Variants in PARD3 observed in about 807,000 individuals in gnomAD.
PARD3 encodes par-3 family cell polarity regulator, also known as partitioning defective 3 homolog.
Under a neutral mutation model 155.4 loss-of-function variants are expected in PARD3, and 75 were observed. The observed-to-expected ratio is 0.48, with a 90% CI of 0.40 to 0.58. The LOEUF is 0.58. Ranked by LOEUF, PARD3 falls within the 20% of genes least tolerant of loss-of-function variation. PARD3 has a pLI of 0.00. For synonymous variants in PARD3, 576 were observed against 610.5 expected (o/e 0.94, Z 0.83); for missense variants, 1,642 against 1,721.7 (o/e 0.95, Z 0.82).
rs1186467903 is a variant in PARD3, at chr10:34,131,476, A to G, written c.3527T>C (p.Phe1176Ser). Residue 1176 changes from phenylalanine to serine, a missense_variant, in exon 23 of 25, where the codon TTT becomes TCT. Phe to Ser is a radical substitution (Grantham distance 155). Around this residue, in one of 3 missense-constraint regions of PARD3, gnomAD observed 1,529 missense variants for 1,587.3 expected, o/e 0.96. Transcript: ENST00000374788. ...DVEDRRRTYSFEQPWPNARPA... is the reference protein window; with the variant it reads ...DVEDRRRTYSSEQPWPNARPA... ...CCAATTACTTACCCAGGGTTGCTCAAAACTATAGGTCCGCCGACGATCTTC... is the reference window on the plus strand; with the variant it reads ...CCAATTACTTACCCAGGGTTGCTCAGAACTATAGGTCCGCCGACGATCTTC... 1.2e-6 allele frequency: 2 copies of G among 1,614,026 alleles called. No individual in the cohort carries two copies. Among genetic ancestry groups the G allele is most frequent in the African/African-American group, 2.7e-5 (2 of 74,942 alleles).
intron 22 of PARD3, among the ~76,000 whole-genome samples, chr10:34,183,738 A>C (rs1032200364): frequency 2.6e-5 from 4 of 152,194 alleles, no homozygotes; most frequent in Non-Finnish European, 5.9e-5. Context: ...TTTCTGCCGC[A>C]CACTGGGTTT....
rs1226096189 is a variant in PARD3, at chr10:34,462,645, G to C, written c.582+7440C>G. Among the ~76,000 whole-genome samples, 4 of 151,334 alleles carry C rather than the reference G, an allele frequency of 2.6e-5. No individual in the cohort carries two copies. In the East Asian group the frequency reaches 7.9e-4, roughly 30 times the overall value. ...GGATCACTTGAGCCCAGGAGTTCAA[G>C]ATCAGCCTGGGCAACATAGTGAGAC... On this transcript the variant is annotated intron_variant, in intron 4 of 24. Coordinates refer to ENST00000374788, the MANE Select transcript of PARD3 (RefSeq NM_001184785.2).
chr10:34,555,216 G>A (rs984008214), intron 2 of PARD3, among the ~76,000 whole-genome samples: 3 of 152,156 alleles, frequency 2.0e-5, no homozygotes, highest in Non-Finnish European at 4.4e-5. Flanking sequence ...GTTTGTGGGG[G>A]AAAGGGATAT....
In PARD3 at chr10:34,270,948, T is replaced by C. The variant is rs542206320; in HGVS notation, c.3177-1049A>G. ...TCCTCTTCAACTTATAATATATTGA[T>C]ATAATTTATGTCCTAAGTCAATCTT... On this transcript the variant is annotated intron_variant, in intron 21 of 24. Transcript: ENST00000374788. Among the ~76,000 whole-genome samples, 14 of 152,346 alleles carry C rather than the reference T, an allele frequency of 9.2e-5. No individual in the cohort carries two copies. In the East Asian group the frequency reaches 1.9e-3, roughly 21 times the overall value.
intron 22 of PARD3, among the ~76,000 whole-genome samples, chr10:34,176,947 T>TTGTGTGTGTGTGTGTGTG (rs55740137): frequency 1.2e-3 from 173 of 149,572 alleles, no homozygotes; most frequent in African/African-American, 4.1e-3. Context: ...GAGAAGCAGG[T>TTGTGTGTGTGTGTGTGTG]TGTGTGTGTG....
chr10:34,409,409 T>C (rs1844825193), intron 5 of PARD3, among the ~76,000 whole-genome samples: 1 of 152,220 alleles, frequency 6.6e-6, no homozygotes, highest in Non-Finnish European at 1.5e-5. Flanking sequence ...ACACTGCAAT[T>C]TGTCTTCACA....
chr10:34,450,898 C>T (rs755456259), intron 4 of PARD3, among the ~76,000 whole-genome samples: 7 of 152,070 alleles, frequency 4.6e-5, no homozygotes, highest in Non-Finnish European at 8.8e-5. Flanking sequence ...AATAAATTTG[C>T]CCTTTCTTCA....
chr10:34,299,089 G>T (rs143823868), intron 20 of PARD3, among the ~76,000 whole-genome samples: 1 of 152,106 alleles, frequency 6.6e-6, no homozygotes, highest in Admixed American at 6.5e-5. Flanking sequence ...TACCTAACTT[G>T]TTCAGTCTTA....
chr10:34,600,962 A>ATTTTTTT (rs1028271994), intron 2 of PARD3, among the ~76,000 whole-genome samples: 8 of 90,066 alleles, frequency 8.9e-5, no homozygotes, highest in Non-Finnish European at 1.0e-4. Flanking sequence ...CATTTTTTTA[A>ATTTTTTT]TTTTTTTTTT....
At chr10:34,762,205 T>C (rs994594241) in intron 1 of PARD3, among the ~76,000 whole-genome samples, 1 of 152,052 alleles carries the variant, frequency 6.6e-6, no homozygotes, top group Non-Finnish European at 1.5e-5. Flanking sequence ...CAACCCACTT[T>C]ACTAAACAGT....
chr10:34,317,017 G>T, intron 20 of PARD3, 90 bp downstream of exon 20: 1 of 1,216,464 alleles, frequency 8.2e-7, no homozygotes, highest in Non-Finnish European at 1.1e-6. Context: ...TTACAGGTGT[G>T]CACTACCGTG....
At chr10:34,683,215 C>T (rs543001128) in intron 2 of PARD3, among the ~76,000 whole-genome samples, 45 of 152,142 alleles carry the variant, frequency 3.0e-4, no homozygotes, top group African/African-American at 1.1e-3. Flanking sequence ...AAGATGGAAA[C>T]GATGGACACT....
intron 2 of PARD3, among the ~76,000 whole-genome samples, chr10:34,680,852 G>C (rs1366355644): frequency 9.3e-6 from 1 of 107,796 alleles, no homozygotes; most frequent in Non-Finnish European, 1.8e-5. Flanking sequence ...GGGGAGGGGG[G>C]AGGGATAGCA....
intron 19 of PARD3, among the ~76,000 whole-genome samples, chr10:34,325,709 TTC>T (rs1834939992): frequency 6.6e-6 from 1 of 152,174 alleles, no homozygotes; most frequent in Non-Finnish European, 1.5e-5. Context: ...GCAATGGGCT[TTC>T]TGTTTGGAAG....
chr10:34,501,027 GTTTT>G (rs1328154095), intron 3 of PARD3, among the ~76,000 whole-genome samples: 1 of 152,004 alleles, frequency 6.6e-6, no homozygotes, highest in Non-Finnish European at 1.5e-5. Context: ...ACAGATTTTT[GTTTT>G]TTATCAAGCA....
At chr10:34,412,714 A>G (rs1845216024) in intron 5 of PARD3, among the ~76,000 whole-genome samples, 1 of 152,178 alleles carries the variant, frequency 6.6e-6, no homozygotes, top group Non-Finnish European at 1.5e-5. Context: ...TGATTTCCTC[A>G]GGTTCTTCCC....
At chr10:34,326,917 A>G (rs1835087212) in intron 19 of PARD3, among the ~76,000 whole-genome samples, 2 of 152,212 alleles carry the variant, frequency 1.3e-5, no homozygotes, top group Admixed American at 1.3e-4. Context: ...AACTTGATAT[A>G]TCTTAAAATC....
intron 5 of PARD3, among the ~76,000 whole-genome samples, chr10:34,442,798 A>G (rs2076535508): frequency 6.6e-6 from 1 of 152,290 alleles, no homozygotes; most frequent in East Asian, 1.9e-4. Flanking sequence ...TTGAGCACAG[A>G]AGTTTGAAGC....
rs184470787 is a variant in PARD3 at position 34,277,337 on chromosome 10, C to T, written c.3176+6798G>A. Among the ~76,000 whole-genome samples the T allele has an allele frequency of 9.7e-4, 148 of 152,314 alleles. 1 individual carries two copies. The highest frequency in any genetic ancestry group is 3.4e-3 in the Middle Eastern group (1 of 294). ...CAAAAATACTGCAGCTCAACTCATCCTTCCTTTGGGTGATCCTCCCCCTGC... is the reference window on the plus strand; with the variant it reads ...CAAAAATACTGCAGCTCAACTCATCTTTCCTTTGGGTGATCCTCCCCCTGC... On this transcript the variant is annotated intron_variant, in intron 21 of 24. Coordinates refer to ENST00000374788, the MANE Select transcript of PARD3 (RefSeq NM_001184785.2).
Sources: allele counts gnomAD v4.1 joint callset (sites outside exome capture counted in the v4.1 genomes callset), GRCh38; gene constraint gnomAD v4.1.1; regional missense constraint gnomAD v4.1.1; transcripts MANE v1.5; gene names NCBI Gene and HGNC (gene_info 2026-07-23, HGNC 2026-07-21).